The following HPSE2 variants were observed in gnomAD, a reference collection of about 807,000 sequenced individuals.
HPSE2 encodes heparanase 2 (inactive).
HPSE2 carries 38 observed loss-of-function variants against 60.5 expected under a neutral mutation model. The ratio of observed to expected loss-of-function variants is 0.63; its 90% CI spans 0.48 to 0.82. The LOEUF (loss-of-function observed/expected upper bound fraction) is 0.82. Among genes scored for constraint, HPSE2 ranks in the 40% least tolerant of loss-of-function variants. HPSE2 has a pLI of 0.00. For synonymous variants in HPSE2, 295 were observed against 293.2 expected, an observed-to-expected ratio of 1.01 and a Z score of -0.06; for missense variants, 713 against 740.4, an observed-to-expected ratio of 0.96 and a Z score of 0.43.
chr10:98,459,545 C>A lies in HPSE2; in HGVS notation c.*29G>T. ...GAGGAGTGGAAGCAGCCCAGCAGGCCCACTGGTAGCCGTGAGTGTGAGGAT... is the reference window on the plus strand; with the variant it reads ...GAGGAGTGGAAGCAGCCCAGCAGGCACACTGGTAGCCGTGAGTGTGAGGAT... On this transcript the variant is annotated 3_prime_UTR_variant, in exon 12 of 12. Coordinates refer to ENST00000370552, the MANE Select transcript of HPSE2 (RefSeq NM_021828.5). 6.2e-7 allele frequency: 1 copy of A among 1,613,240 alleles called. No homozygotes were observed.
At chr10:99,033,198 G>T (rs760189528) in intron 3 of HPSE2, among the ~76,000 whole-genome samples, 3 of 152,128 alleles carry the variant, frequency 2.0e-5, no homozygotes, top group Non-Finnish European at 4.4e-5. Flanking sequence ...ATAGAAAAAG[G>T]TCTAGAAAGA....
chr10:99,264,709 C>G, the HPSE2 span, among the ~76,000 whole-genome samples: 1 of 152,018 alleles, frequency 6.6e-6, no homozygotes, highest in African/African-American at 2.4e-5. Context: ...TTATTTGGAC[C>G]TTGTGTCTTC....
chr10:99,098,973 T>C (rs1410901538), intron 3 of HPSE2, among the ~76,000 whole-genome samples: 1 of 152,198 alleles, frequency 6.6e-6, no homozygotes, highest in Non-Finnish European at 1.5e-5. Flanking sequence ...ATCTCCTTTT[T>C]TTCAAAGCTT....
At chr10:99,150,831 T>C (rs1387334268) in intron 2 of HPSE2, among the ~76,000 whole-genome samples, 1 of 150,760 alleles carries the variant, frequency 6.6e-6, no homozygotes, top group Non-Finnish European at 1.5e-5. Context: ...AAAAATAAAG[T>C]GAAAAAGACC....
At chr10:99,098,333 T>C (rs1484082259) in intron 3 of HPSE2, among the ~76,000 whole-genome samples, 1 of 152,180 alleles carries the variant, frequency 6.6e-6, no homozygotes, top group Non-Finnish European at 1.5e-5. Flanking sequence ...TATATGAAAA[T>C]ATTAACCCAT....
chr10:99,142,678 C>T (rs1431465971), intron 3 of HPSE2, among the ~76,000 whole-genome samples: 2 of 152,144 alleles, frequency 1.3e-5, no homozygotes, highest in Non-Finnish European at 2.9e-5. Flanking sequence ...TTGATTCCAA[C>T]AGTTTGAACT....
intron 3 of HPSE2, among the ~76,000 whole-genome samples, chr10:99,128,625 A>C (rs140166057): frequency 2.6e-5 from 4 of 152,178 alleles, no homozygotes; most frequent in Non-Finnish European, 5.9e-5. Context: ...AGTGGGACCT[A>C]AACAGTGAGA....
At chr10:99,262,945 C>A in the HPSE2 span, among the ~76,000 whole-genome samples, 2 of 152,288 alleles carry the variant, frequency 1.3e-5, no homozygotes, top group East Asian at 3.9e-4. Flanking sequence ...TCATCCCAAC[C>A]TTCTTTGTTA....
chr10:98,983,776 A>C (rs1794316100), intron 3 of HPSE2, among the ~76,000 whole-genome samples: 1 of 152,182 alleles, frequency 6.6e-6, no homozygotes, highest in African/African-American at 2.4e-5. Context: ...CACCTGGAAA[A>C]TCGGGTCACT....
intron 9 of HPSE2, among the ~76,000 whole-genome samples, chr10:98,604,534 G>A (rs1013281778): frequency 2.0e-5 from 3 of 152,114 alleles, no homozygotes; most frequent in Admixed American, 6.5e-5. Context: ...ACTAGAAGGA[G>A]AAGAAAGAGA....
intron 8 of HPSE2, among the ~76,000 whole-genome samples, chr10:98,619,275 G>C (rs1946007379): frequency 6.6e-6 from 1 of 152,192 alleles, no homozygotes; most frequent in Non-Finnish European, 1.5e-5. Context: ...TACTGGAGCA[G>C]GAACAAGTCA....
At chr10:98,817,954 G>T in intron 3 of HPSE2, among the ~76,000 whole-genome samples, 1 of 152,138 alleles carries the variant, frequency 6.6e-6, no homozygotes, top group East Asian at 1.9e-4. Context: ...ATACACAAGG[G>T]ATTGGTTTCC....
At chr10:98,462,778 C>T (rs1392146083) in intron 11 of HPSE2, among the ~76,000 whole-genome samples, 3 of 152,174 alleles carry the variant, frequency 2.0e-5, no homozygotes, top group Non-Finnish European at 4.4e-5. Flanking sequence ...TCCCAGGTTG[C>T]TGCTGCTCTC....
At chr10:98,563,602 G>A (rs1944254217) in intron 9 of HPSE2, among the ~76,000 whole-genome samples, 1 of 152,158 alleles carries the variant, frequency 6.6e-6, no homozygotes, top group Admixed American at 6.5e-5. Context: ...AAAGATGCAT[G>A]TTCCTTAAGC....
the HPSE2 span, among the ~76,000 whole-genome samples, chr10:99,262,177 T>G: frequency 6.6e-6 from 1 of 152,152 alleles, no homozygotes; most frequent in East Asian, 1.9e-4. Context: ...GGCTACCCAC[T>G]CCACATTACC....
chr10:98,729,223 T>A (rs78653101), intron 4 of HPSE2, among the ~76,000 whole-genome samples: 2,247 of 152,100 alleles, frequency 0.015, 68 homozygotes, highest in African/African-American at 0.051. Context: ...AAAGCAGAAA[T>A]TATCAGACTG....
intron 5 of HPSE2, among the ~76,000 whole-genome samples, chr10:98,706,936 C>G (rs1537891): frequency 0.19 from 28,291 of 152,128 alleles, 3,048 homozygotes; most frequent in East Asian, 0.39. Context: ...TCGTCTTCCA[C>G]GTATGTTTGT....
chr10:98,505,412 T>G (rs1188954791), intron 9 of HPSE2, among the ~76,000 whole-genome samples: 1 of 152,184 alleles, frequency 6.6e-6, no homozygotes, highest in Non-Finnish European at 1.5e-5. Context: ...AATTGCTGTG[T>G]CATATACAGG....
In HPSE2 at chr10:98,672,499, G is replaced by A. The variant is rs77309556; in HGVS notation, c.1004+21401C>T. Among the ~76,000 whole-genome samples, 575 of 152,266 alleles carry A rather than the reference G, an allele frequency of 3.8e-3. 4 individuals carry two copies. The highest frequency in any genetic ancestry group is 0.013 in the African/African-American group (554 of 41,542). ...TATGAGTTTCAAAGATGATGATGGCGGTGGTGATGGTGGGCACAGACATGT... is the reference window on the plus strand; with the variant it reads ...TATGAGTTTCAAAGATGATGATGGCAGTGGTGATGGTGGGCACAGACATGT... On this transcript the variant is annotated intron_variant, in intron 6 of 11. Transcript: ENST00000370552.
Sources: allele counts gnomAD v4.1 joint callset (sites outside exome capture counted in the v4.1 genomes callset), GRCh38; gene constraint gnomAD v4.1.1; transcripts MANE v1.5; gene names NCBI Gene and HGNC (gene_info 2026-07-23, HGNC 2026-07-21).